The following COL5A1 variants were observed in gnomAD, a reference collection of about 807,000 sequenced individuals.
COL5A1 encodes collagen type V alpha 1 chain, also known as collagen alpha-1(V) chain.
In COL5A1, 16 loss-of-function variants were observed where a neutral mutation model predicts 263.7. That is an observed-to-expected ratio of 0.06 (90% CI 0.04 to 0.09). The LOEUF (loss-of-function observed/expected upper bound fraction) is 0.09. Ranked by LOEUF, COL5A1 falls within the 10% of genes least tolerant of loss-of-function variation. COL5A1 has a pLI of 1.00. For missense variants in COL5A1, 2,036 were observed against 2,540.5 expected, an observed-to-expected ratio of 0.80 and a Z score of 4.27; for synonymous variants, 1,012 against 1,004.5, an observed-to-expected ratio of 1.01 and a Z score of -0.14.
At chr9:134,685,848 C>T (rs1471572161) in intron 1 of COL5A1, among the ~76,000 whole-genome samples, 1 of 150,842 alleles carries the variant, frequency 6.6e-6, no homozygotes, top group Non-Finnish European at 1.5e-5. Flanking sequence ...ACCATCCATC[C>T]ATCATCATCC....
chr9:134,726,138 G>A (rs1464930435), intron 4 of COL5A1, among the ~76,000 whole-genome samples: 1 of 152,208 alleles, frequency 6.6e-6, no homozygotes, highest in African/African-American at 2.4e-5. Flanking sequence ...CAAGCCCTCG[G>A]GGTCTAGGGC....
At position 134,814,686 on chromosome 9, in the gene COL5A1, G is replaced by T. The variant is rs983495462; in HGVS notation, c.3907-111G>T. ...AGCCAGCCCCCTGCAGGGCTCAGCA[G>T]ATACTTGGAAAGGCTGGTCTGAATG... On this transcript the variant is annotated intron_variant, in intron 49 of 65. Transcript: ENST00000371817. 26 of 842,222 alleles carry T rather than the reference G, an allele frequency of 3.1e-5. No individual in the cohort carries two copies. In the African/African-American group the frequency reaches 4.0e-4, roughly 13 times the overall value. 52.2% of individuals were successfully genotyped at this position (842,222 alleles called of 1,614,324 possible).
intron 27 of COL5A1, among the ~76,000 whole-genome samples, chr9:134,777,834 C>T (rs1304993698): frequency 6.6e-6 from 1 of 152,206 alleles, no homozygotes; most frequent in African/African-American, 2.4e-5. Flanking sequence ...AACCCAGTCC[C>T]CCAGGACTCA....
chr9:134,761,869 A>T, intron 18 of COL5A1, 56 bp from the exon 19 acceptor site: 1 of 1,556,212 alleles, frequency 6.4e-7, no homozygotes, highest in South Asian at 1.1e-5. Context: ...GGGACCTTGG[A>T]CAAGCCCTGC....
rs1288995114 is a variant in COL5A1, at chr9:134,789,590, C to A, written c.2700+382C>A. On this transcript the variant is annotated intron_variant, in intron 32 of 65. Coordinates refer to ENST00000371817, the MANE Select transcript of COL5A1 (RefSeq NM_000093.5). The surrounding 1 kb of genome is among the most constrained non-coding windows in gnomAD (Gnocchi z 4.8). ...GAAAAAGGAGATTGTTTTTTCCCTT[C>A]AAAAATGTCCTGCTACTTAACCGTC... 6.6e-6 allele frequency among the ~76,000 whole-genome samples: 1 copy of A among 152,200 alleles called. No homozygotes were observed. Among genetic ancestry groups the A allele is most frequent in the Non-Finnish European group, 1.5e-5 (1 of 68,038 alleles).
intron 29 of COL5A1, among the ~76,000 whole-genome samples, chr9:134,783,210 TGGTCCCCAGACAGTTCTTCAG>T (rs979397215): frequency 3.3e-5 from 5 of 152,260 alleles, no homozygotes; most frequent in African/African-American, 1.2e-4. Flanking sequence ...GGGAGCGTCC[TGGTCCCCAGACAGTTCTTCAG>T]GGTCCCTGGG....
intron 31 of COL5A1, among the ~76,000 whole-genome samples, chr9:134,786,788 C>G (rs1255082443): frequency 6.6e-6 from 1 of 152,130 alleles, no homozygotes; most frequent in Non-Finnish European, 1.5e-5. Flanking sequence ...AATTAACAGC[C>G]GAAGCGGGGT....
At chr9:134,733,199 G>T (rs1834966115) in intron 9 of COL5A1, among the ~76,000 whole-genome samples, 1 of 152,188 alleles carries the variant, frequency 6.6e-6, no homozygotes, top group Non-Finnish European at 1.5e-5. Flanking sequence ...CCCAGAATGT[G>T]CAGTCACAGT....
At position 134,780,114 on chromosome 9, in the gene COL5A1, A is replaced by G. The variant is rs146870918; in HGVS notation, c.2398A>G (p.Ile800Val). 4.2e-5 allele frequency: 67 copies of G among 1,613,326 alleles called. No individual in the cohort carries two copies. Among genetic ancestry groups the G allele is most frequent in the Non-Finnish European group, 5.2e-5 (61 of 1,180,036 alleles). Reference sequence around the variant, plus strand: ...CCCACCCGCACAGGGGGCCGATGGCATCCGTGGTCTGAAGGGCACAAAGGG... The same window carrying G: ...CCCACCCGCACAGGGGGCCGATGGCGTCCGTGGTCTGAAGGGCACAAAGGG... ...GPRGVKGADG[I>V]RGLKGTKGEK... is the part of the protein sequence containing the mutation. The change falls in exon 28 of 66, where the codon ATC (isoleucine) becomes GTC (valine). Residue 800 changes from isoleucine (I) to valine (V), a missense_variant. By Grantham distance (29) the Ile-to-Val change is conservative. Coordinates refer to ENST00000371817, the MANE Select transcript of COL5A1 (RefSeq NM_000093.5).
chr9:134,824,731 G>C lies in COL5A1; in HGVS notation c.4830G>C (p.Glu1610Asp). Reference sequence around the variant, plus strand: ...TGGACTACGCGGACGGCATGGAAGAGATCTTCGGCTCTCTCAACTCTCTGA... The same window carrying C: ...TGGACTACGCGGACGGCATGGAAGACATCTTCGGCTCTCTCAACTCTCTGA... ...NYVDYADGME[E>D]IFGSLNSLKL... Residue 1610 changes from glutamate (E) to aspartate (D), a missense_variant, in exon 62 of 66, where the codon GAG becomes GAC. Physicochemically the swap from Glu to Asp is conservative, Grantham distance 45 (BLOSUM62 2). Around this residue, in one of 3 missense-constraint regions of COL5A1, gnomAD observed 358 missense variants for 384.6 expected, o/e 0.93. Coordinates refer to ENST00000371817, the MANE Select transcript of COL5A1 (RefSeq NM_000093.5). The C allele has an allele frequency of 6.2e-7, 1 of 1,614,240 alleles. No homozygotes were observed. Among genetic ancestry groups the C allele is most frequent in the Non-Finnish European group, 8.5e-7 (1 of 1,180,050 alleles).
At chr9:134,726,386 A>G (rs1834650991) in intron 4 of COL5A1, among the ~76,000 whole-genome samples, 1 of 151,964 alleles carries the variant, frequency 6.6e-6, no homozygotes, top group Non-Finnish European at 1.5e-5. Flanking sequence ...AGATAGATGG[A>G]TGAATTAATG....
intron 63 of COL5A1, among the ~76,000 whole-genome samples, chr9:134,827,664 A>G (rs1405586960): frequency 6.6e-6 from 1 of 152,186 alleles, no homozygotes; most frequent in African/African-American, 2.4e-5. Flanking sequence ...GAGCGACCCC[A>G]GGCTCCCCCA....
chr9:134,765,806 C>A lies in COL5A1; in HGVS notation c.2088+72C>A. On this transcript the variant is annotated intron_variant, in intron 21 of 65. Transcript: ENST00000371817. The surrounding 1 kb of genome is among the most constrained non-coding windows in gnomAD (Gnocchi z 5.1). ...GAGACCCCGCCTCCCAGCCGGTGGA[C>A]GCTTGGGCACTGGGGCAGCAAGTCC... 7.5e-7 allele frequency: 1 copy of A among 1,328,708 alleles called. No individual in the cohort carries two copies. Among genetic ancestry groups the A allele is most frequent in the Non-Finnish European group, 1.1e-6 (1 of 941,276 alleles). The allele number at this position is 1,328,708 out of a possible 1,614,324, so 82.3% of individuals were successfully genotyped here.
At chr9:134,773,671 C>T (rs1836947114) in intron 26 of COL5A1, among the ~76,000 whole-genome samples, 1 of 152,198 alleles carries the variant, frequency 6.6e-6, no homozygotes, top group Non-Finnish European at 1.5e-5. Flanking sequence ...GGCCTGGTCC[C>T]AGCTCCCCTT....
At chr9:134,840,329 G>A (rs569266247) in intron 65 of COL5A1, among the ~76,000 whole-genome samples, 5 of 152,186 alleles carry the variant, frequency 3.3e-5, no homozygotes, top group African/African-American at 9.7e-5. Flanking sequence ...GGGAGAAGTG[G>A]ACATTAGGAG....
chr9:134,691,246 C>T (rs1192660914), intron 2 of COL5A1, among the ~76,000 whole-genome samples, 167 bp downstream of exon 2: 1 of 152,240 alleles, frequency 6.6e-6, no homozygotes, highest in Non-Finnish European at 1.5e-5. Context: ...GCAGTTGCAA[C>T]AGTGGGATTT....
intron 1 of COL5A1, among the ~76,000 whole-genome samples, chr9:134,668,672 C>G (rs1832429870): frequency 1.3e-5 from 2 of 152,000 alleles, no homozygotes; most frequent in Admixed American, 1.3e-4. Context: ...AATCAGACAC[C>G]CACTCACCCA....
chr9:134,814,348 A>T (rs907659749), intron 49 of COL5A1, among the ~76,000 whole-genome samples: 3 of 152,216 alleles, frequency 2.0e-5, no homozygotes, highest in African/African-American at 7.2e-5. Flanking sequence ...TGAGGGCCAG[A>T]CTAGGAATAT....
chr9:134,747,569 TCA>T (rs964984773), intron 11 of COL5A1, among the ~76,000 whole-genome samples: 4 of 151,260 alleles, frequency 2.6e-5, no homozygotes, highest in Admixed American at 6.6e-5. Flanking sequence ...ATACATGTAT[TCA>T]CACACATGCA....
Sources: gnomAD v4.1 joint callset for allele counts (sites outside exome capture counted in the v4.1 genomes callset) on GRCh38, gnomAD v4.1.1 for gene constraint, gnomAD v4.1.1 regional missense constraint, Gnocchi (gnomAD v3.1) non-coding constraint, MANE v1.5 for transcripts, NCBI Gene and HGNC (gene_info 2026-07-23, HGNC 2026-07-21) for gene names.